Variants in APOBEC3A observed in about 807,000 individuals in gnomAD.
APOBEC3A encodes the protein DNA dC->dU-editing enzyme APOBEC-3A.
Under a neutral mutation model 23.0 loss-of-function variants are expected in APOBEC3A, and 13 were observed. The ratio of observed to expected loss-of-function variants is 0.57; its 90% CI spans 0.37 to 0.90. The LOEUF is 0.90. Among genes scored for constraint, APOBEC3A ranks in the 40% least tolerant of loss-of-function variants. The pLI, the probability that APOBEC3A is intolerant of heterozygous loss-of-function variation, is 0.01. For synonymous variants in APOBEC3A, 74 were observed against 101.3 expected, an observed-to-expected ratio of 0.73 and a Z score of 1.62; for missense variants, 179 against 264.9, an observed-to-expected ratio of 0.68 and a Z score of 2.25.
At chr22:38,958,719 T>G (rs1052913697) in intron 1 of APOBEC3A, among the ~76,000 whole-genome samples, 1 of 149,324 alleles carries the variant, frequency 6.7e-6, no homozygotes, top group Admixed American at 6.7e-5. Flanking sequence ...TTCTTTTTCT[T>G]TTCCTTCCTT....
At chr22:38,958,769 C>T (rs202122131) in intron 1 of APOBEC3A, among the ~76,000 whole-genome samples, 6 of 109,434 alleles carry the variant, frequency 5.5e-5, no homozygotes, top group Non-Finnish European at 1.1e-4. Context: ...ATCTCTCTTT[C>T]TCTTTCTTTC....
Position 38,961,567 on chromosome 22 carries a change from C to A in APOBEC3A, c.355C>A (p.His119Asn), listed in dbSNP as rs760148873. 2.0e-6 allele frequency: 3 copies of A among 1,532,240 alleles called. 1 individual carries two copies. The highest frequency in any genetic ancestry group is 2.7e-6 in the Non-Finnish European group (3 of 1,118,674). The allele number at this position is 1,532,240 out of a possible 1,614,324, so 94.9% of individuals were successfully genotyped here. The change falls in exon 3 of 5, where the codon CAC becomes AAC. Residue 119 changes from histidine to asparagine, a missense_variant. Around this residue, in one of 5 missense-constraint regions of APOBEC3A, gnomAD observed 37 missense variants for 47.8 expected, o/e 0.77. Transcript: ENST00000249116. Reference protein sequence around the residue: ...EVRAFLQENTHVRLRIFAARI... With the variant: ...EVRAFLQENTNVRLRIFAARI... ...GCGTGCGTTCCTTCAGGAGAACACA[C>A]ACGTGAGACTGCGTATCTTCGCTGC...
Position 38,962,724 on chromosome 22 carries a change from C to T in APOBEC3A, c.*215C>T. 8.1e-7 allele frequency: 1 copy of T among 1,235,120 alleles called. No individual in the cohort carries two copies. The highest frequency in any genetic ancestry group is 1.1e-6 in the Non-Finnish European group (1 of 911,352). 76.5% of individuals were successfully genotyped at this position (1,235,120 alleles called of 1,614,324 possible). A position where few individuals can be genotyped will look rare whatever the true frequency, so the allele number is the denominator to read the frequency against. On this transcript the variant is annotated 3_prime_UTR_variant, in exon 5 of 5. Coordinates refer to ENST00000249116, the MANE Select transcript of APOBEC3A (RefSeq NM_145699.4). ...CCTGTAATCCCAGCACTTTGGAGGC[C>T]AAGGCGGGTGGATCACGAGGTCAGG...
chr22:38,958,663 C>T, intron 1 of APOBEC3A, among the ~76,000 whole-genome samples: 1 of 130,622 alleles, frequency 7.7e-6, no homozygotes, highest in Admixed American at 8.7e-5. Flanking sequence ...TTCTTCTTTC[C>T]TTCTTTCTTT....
At chr22:38,959,509 T>A (rs1171728769) in intron 1 of APOBEC3A, 33 bp from the exon 2 acceptor site, 2 of 1,606,654 alleles carry the variant, frequency 1.2e-6, no homozygotes, top group Admixed American at 3.3e-5. Flanking sequence ...GGAGGGCTCT[T>A]CCTCCTCTGG....
At chr22:38,958,870 T>TTG in intron 1 of APOBEC3A, among the ~76,000 whole-genome samples, 1 of 110,804 alleles carries the variant, frequency 9.0e-6, no homozygotes, top group African/African-American at 4.8e-5. Context: ...TTTCTTTCTT[T>TTG]CTTTTGTGCT....
intron 4 of APOBEC3A, 117 bp from the exon 5 acceptor site, chr22:38,962,378 C>T: frequency 9.0e-6 from 14 of 1,553,762 alleles, no homozygotes; most frequent in African/African-American, 1.4e-5. Context: ...CCTTCTCTTT[C>T]CCACCTCCCG....
At chr22:38,958,799 C>CTTTG in intron 1 of APOBEC3A, among the ~76,000 whole-genome samples, 1 of 140,586 alleles carries the variant, frequency 7.1e-6, no homozygotes, top group South Asian at 2.2e-4. Context: ...TTCTTTCTTT[C>CTTTG]CTTCCTTCTT....
chr22:38,959,293 G>A (rs1371806855), intron 1 of APOBEC3A, among the ~76,000 whole-genome samples: 3 of 152,234 alleles, frequency 2.0e-5, no homozygotes, highest in Middle Eastern at 3.4e-3. Flanking sequence ...GGTCCTCCTC[G>A]GAGGGCCTGA....
chr22:38,962,761 A>T lies in APOBEC3A; in HGVS notation c.*252A>T, dbSNP rs890428819. ...ATCACGAGGTCAGGAGATCGAGACC[A>T]TCCTGGCTAACACGGTGAAACCCTG... On this transcript the variant is annotated 3_prime_UTR_variant, in exon 5 of 5. Coordinates refer to ENST00000249116, the MANE Select transcript of APOBEC3A (RefSeq NM_145699.4). 1.1e-6 allele frequency: 1 copy of T among 913,944 alleles called. No homozygotes were observed. Among genetic ancestry groups the T allele is most frequent in the South Asian group, 1.8e-5 (1 of 55,034 alleles). 56.6% of individuals were successfully genotyped at this position (913,944 alleles called of 1,614,324 possible).
chr22:38,961,146 AT>A (rs1158089315), intron 2 of APOBEC3A, among the ~76,000 whole-genome samples: 1 of 149,376 alleles, frequency 6.7e-6, no homozygotes, highest in African/African-American at 2.5e-5. Flanking sequence ...CTGGGGCAAA[AT>A]AAAACCTCAT....
At position 38,962,755 on chromosome 22, in the gene APOBEC3A, G is replaced by A. The variant is rs1274967663; in HGVS notation, c.*246G>A. 7.5e-5 allele frequency: 72 copies of A among 958,874 alleles called. 8 individuals carry two copies. In the South Asian group the frequency reaches 1.1e-3, roughly 15 times the overall value. 59.4% of individuals were successfully genotyped at this position (958,874 alleles called of 1,614,324 possible). A position where few individuals can be genotyped will look rare whatever the true frequency, so the allele number is the denominator to read the frequency against. On this transcript the variant is annotated 3_prime_UTR_variant, in exon 5 of 5. Transcript: ENST00000249116. ...GGGTGGATCACGAGGTCAGGAGATCGAGACCATCCTGGCTAACACGGTGAA... is the reference window on the plus strand; with the variant it reads ...GGGTGGATCACGAGGTCAGGAGATCAAGACCATCCTGGCTAACACGGTGAA...
Position 38,958,767 on chromosome 22 carries a change from TTC to T in APOBEC3A, c.30-771_30-770del, listed in dbSNP as rs774048758. On this transcript the variant is annotated intron_variant, in intron 1 of 4. Transcript: ENST00000249116. ...CCTTCCTTCCTTCCTCCATCTCTCT[TTC>T]TCTTTCTTTCTTTCTTTCTTTCTTT... Among the ~76,000 whole-genome samples the T allele has an allele frequency of 1.0e-4, 4 of 38,544 alleles. 1 individual carries two copies. Among genetic ancestry groups the T allele is most frequent in the Non-Finnish European group, 1.7e-4 (4 of 23,116 alleles). 25.3% of individuals were successfully genotyped at this position (38,544 alleles called of 152,430 possible). A position where few individuals can be genotyped will look rare whatever the true frequency, so the allele number is the denominator to read the frequency against.
At position 38,960,405 on chromosome 22, in the gene APOBEC3A, C is replaced by T. The variant is rs922735783; in HGVS notation, c.174+719C>T. On this transcript the variant is annotated intron_variant, in intron 2 of 4. Coordinates refer to ENST00000249116, the MANE Select transcript of APOBEC3A (RefSeq NM_145699.4). The stretch of plus-strand genomic sequence containing the variant: ...CTAAGCAGTGGGACTCCCCCAGGAA[C>T]GACCCACAGCCCCTTCTCAGCACAA... 6.4e-4 allele frequency among the ~76,000 whole-genome samples: 97 copies of T among 152,220 alleles called. No individual in the cohort carries two copies. The South Asian group carries it at 7.5e-3, about 12-fold the overall frequency.
At chr22:38,958,103 G>A (rs1218383002) in intron 1 of APOBEC3A, among the ~76,000 whole-genome samples, 2 of 152,202 alleles carry the variant, frequency 1.3e-5, no homozygotes, top group East Asian at 3.8e-4. Context: ...TATGTTCAGT[G>A]TCATCTCGTT....
Position 38,962,856 on chromosome 22 carries a change from G to GC in APOBEC3A, c.*348dup. ...GCCTGTAGTCCCAGCTACTCTGGAG[G>GC]CTGAGGCAGGAGAGTAGCGTGAACC... On this transcript the variant is annotated 3_prime_UTR_variant, in exon 5 of 5. Coordinates refer to ENST00000249116, the MANE Select transcript of APOBEC3A (RefSeq NM_145699.4). The GC allele has an allele frequency of 2.5e-6, 1 of 406,922 alleles. No homozygotes were observed. The highest frequency in any genetic ancestry group is 2.5e-5 in the South Asian group (1 of 40,622). 25.2% of individuals were successfully genotyped at this position (406,922 alleles called of 1,614,324 possible). A position where few individuals can be genotyped will look rare whatever the true frequency, so the allele number is the denominator to read the frequency against.
At chr22:38,957,847 G>C in intron 1 of APOBEC3A, 127 bp downstream of exon 1, 1 of 1,258,484 alleles carries the variant, frequency 7.9e-7, no homozygotes, top group Non-Finnish European at 1.1e-6. Context: ...CTCTGGACCT[G>C]GCCTCTTGCT....
At chr22:38,961,822 G>T (rs1922905832) in intron 3 of APOBEC3A, 141 bp downstream of exon 3, 2 of 1,249,360 alleles carry the variant, frequency 1.6e-6, no homozygotes, top group Non-Finnish European at 1.1e-6. Flanking sequence ...GATGGGAAGA[G>T]AGAGGCCAGG....
At chr22:38,962,457 C>G in intron 4 of APOBEC3A, 38 bp from the exon 5 acceptor site, 2 of 1,596,070 alleles carry the variant, frequency 1.3e-6, no homozygotes, top group Non-Finnish European at 1.7e-6. Context: ...TTTCCACTCT[C>G]TCACCTCCTG....
Sources: gnomAD v4.1 joint callset for allele counts (sites outside exome capture counted in the v4.1 genomes callset) on GRCh38, gnomAD v4.1.1 for gene constraint, gnomAD v4.1.1 regional missense constraint, MANE v1.5 for transcripts, NCBI Gene and HGNC (gene_info 2026-07-23, HGNC 2026-07-21) for gene names.